The following MSRA variants were observed in gnomAD, a reference collection of about 807,000 sequenced individuals.
MSRA encodes methionine sulfoxide reductase A, also known as mitochondrial peptide methionine sulfoxide reductase.
Under a neutral mutation model 31.3 loss-of-function variants are expected in MSRA, and 54 were observed. The ratio of observed to expected loss-of-function variants is 1.73; its 90% CI spans 1.39 to 2.17. MSRA has a LOEUF of 2.17. MSRA is among the 30% of genes most tolerant of loss of function. The pLI is 0.00. For missense variants in MSRA, 507 were observed against 300.9 expected, an observed-to-expected ratio of 1.69 and a Z score of -5.07; for synonymous variants, 169 against 116.5, an observed-to-expected ratio of 1.45 and a Z score of -2.90.
intron 1 of MSRA, among the ~76,000 whole-genome samples, chr8:10,071,462 T>C (rs923230304): frequency 1.4e-5 from 2 of 146,558 alleles, no homozygotes; most frequent in African/African-American, 2.4e-5. Context: ...AATTTTCTTT[T>C]TTTTTTTTTT....
At chr8:10,219,497 AAAAAT>A (rs1170990508) in intron 2 of MSRA, among the ~76,000 whole-genome samples, 1 of 152,094 alleles carries the variant, frequency 6.6e-6, no homozygotes, top group African/African-American at 2.4e-5. Context: ...TAAGGTAAAT[AAAAAT>A]AAAATAATTC....
chr8:10,405,765 A>G (rs1807769478), intron 5 of MSRA, among the ~76,000 whole-genome samples: 1 of 49,680 alleles, frequency 2.0e-5, no homozygotes, highest in Non-Finnish European at 7.9e-5. Flanking sequence ...ATGTGCTCAC[A>G]CACACCTATG....
intron 1 of MSRA, among the ~76,000 whole-genome samples, chr8:10,070,915 A>G (rs1205430281): frequency 6.6e-6 from 1 of 152,164 alleles, no homozygotes; most frequent in Admixed American, 6.5e-5. Flanking sequence ...GGATATCTAG[A>G]TTGTTTCCAG....
intron 1 of MSRA, among the ~76,000 whole-genome samples, chr8:10,160,458 G>T (rs1026338832): frequency 6.6e-6 from 1 of 150,546 alleles, no homozygotes; most frequent in Non-Finnish European, 1.5e-5. Flanking sequence ...TGGTGCCACC[G>T]CACTCTAGCC....
At chr8:10,297,212 C>G (rs1174260667) in intron 3 of MSRA, among the ~76,000 whole-genome samples, 2 of 152,142 alleles carry the variant, frequency 1.3e-5, no homozygotes, top group African/African-American at 2.4e-5. Flanking sequence ...GATGCTTCGT[C>G]TAATCCAAGG....
chr8:10,318,377 T>G (rs1801846754), intron 4 of MSRA, among the ~76,000 whole-genome samples: 1 of 152,156 alleles, frequency 6.6e-6, no homozygotes, highest in African/African-American at 2.4e-5. Flanking sequence ...GTGACTACTC[T>G]TACCCCTCCC....
intron 2 of MSRA, among the ~76,000 whole-genome samples, chr8:10,217,777 T>C (rs1810121352): frequency 6.6e-6 from 1 of 152,198 alleles, no homozygotes; most frequent in African/African-American, 2.4e-5. Context: ...ACTTTTTAAA[T>C]ATCATCAAAT....
chr8:10,062,438 T>C (rs559705422), intron 1 of MSRA, among the ~76,000 whole-genome samples: 10 of 152,326 alleles, frequency 6.6e-5, no homozygotes, highest in African/African-American at 2.2e-4. Flanking sequence ...TTCATCGATA[T>C]GTAGCACTAC....
intron 2 of MSRA, among the ~76,000 whole-genome samples, chr8:10,233,667 A>G (rs1811687718): frequency 6.6e-6 from 1 of 152,248 alleles, no homozygotes; most frequent in South Asian, 2.1e-4. Context: ...CTATCAATTA[A>G]TCAGCAGTTA....
In MSRA at chr8:10,248,335, A is replaced by G. The variant is rs147063253; in HGVS notation, c.331+3112A>G. Among the ~76,000 whole-genome samples the G allele has an allele frequency of 1.3e-3, 201 of 152,352 alleles. 1 individual carries two copies. Among genetic ancestry groups the G allele is most frequent in the East Asian group, 0.013 (66 of 5,186 alleles). ...GCGGTATGCTTGAGCTTAAGGTACC[A>G]TGTGGTTTCTTGGGGCAGATGCCAG... is the stretch of plus-strand genomic sequence containing the variant. On this transcript the variant is annotated intron_variant, in intron 3 of 5. Coordinates refer to ENST00000317173, the MANE Select transcript of MSRA (RefSeq NM_012331.5).
intron 1 of MSRA, among the ~76,000 whole-genome samples, chr8:10,071,858 C>G (rs189425667): frequency 1.3e-5 from 2 of 152,224 alleles, no homozygotes; most frequent in Admixed American, 6.5e-5. Flanking sequence ...TATCTCAGTA[C>G]GAGAGTCTCC....
intron 5 of MSRA, among the ~76,000 whole-genome samples, chr8:10,396,810 G>A (rs1209279184): frequency 6.6e-6 from 1 of 152,220 alleles, no homozygotes; most frequent in African/African-American, 2.4e-5. Flanking sequence ...GCCCAGTAAA[G>A]CCGATGGTCT....
chr8:10,056,695 G>A (rs1467738762), intron 1 of MSRA, among the ~76,000 whole-genome samples: 1 of 152,120 alleles, frequency 6.6e-6, no homozygotes, highest in African/African-American at 2.4e-5. Flanking sequence ...TCCAGAAATG[G>A]GCAGTGTTAC....
intron 5 of MSRA, among the ~76,000 whole-genome samples, chr8:10,356,256 C>T (rs753047844): frequency 6.6e-6 from 1 of 152,166 alleles, no homozygotes; most frequent in Non-Finnish European, 1.5e-5. Flanking sequence ...ACAGGAAAGG[C>T]AGACCTTGAA....
In MSRA at chr8:10,326,156, G is replaced by A. The variant is rs929037388; in HGVS notation, c.543+6167G>A. Among the ~76,000 whole-genome samples the A allele has an allele frequency of 2.6e-5, 4 of 152,276 alleles. No homozygotes were observed. In the East Asian group the frequency reaches 7.7e-4, roughly 29 times the overall value. ...GTTGACTTAGGTTACTAATTTAATAGTCTTCTTCACTAGCCTGCTCCCAGT... is the reference window on the plus strand; with the variant it reads ...GTTGACTTAGGTTACTAATTTAATAATCTTCTTCACTAGCCTGCTCCCAGT... On this transcript the variant is annotated intron_variant, in intron 5 of 5. Coordinates refer to ENST00000317173, the MANE Select transcript of MSRA (RefSeq NM_012331.5).
At chr8:10,345,914 T>A (rs1435877172) in intron 5 of MSRA, among the ~76,000 whole-genome samples, 1 of 152,178 alleles carries the variant, frequency 6.6e-6, no homozygotes, top group Non-Finnish European at 1.5e-5. Context: ...CAACCTACTT[T>A]ATTTAGTTTA....
intron 1 of MSRA, among the ~76,000 whole-genome samples, chr8:10,120,692 C>T (rs1007357132): frequency 5.9e-5 from 9 of 152,162 alleles, no homozygotes; most frequent in South Asian, 2.1e-4. Flanking sequence ...GTAAACAAAT[C>T]GTATAATTAA....
At chr8:10,115,983 G>C (rs73528963) in intron 1 of MSRA, among the ~76,000 whole-genome samples, 12,050 of 152,248 alleles carry the variant, frequency 0.079, 885 homozygotes, top group African/African-American at 0.19. Context: ...CCTCCCACTT[G>C]ATTCACGCAT....
chr8:10,396,273 CT>C (rs1169532686), intron 5 of MSRA, among the ~76,000 whole-genome samples: 2 of 152,214 alleles, frequency 1.3e-5, no homozygotes, highest in African/African-American at 4.8e-5. Flanking sequence ...CTGTCTCTTC[CT>C]CTCCAACATC....
Sources: gnomAD v4.1 joint callset for allele counts (sites outside exome capture counted in the v4.1 genomes callset) on GRCh38, gnomAD v4.1.1 for gene constraint, MANE v1.5 for transcripts, NCBI Gene and HGNC (gene_info 2026-07-23, HGNC 2026-07-21) for gene names.